SHANK2: variants seen among roughly 807,000 people sequenced by gnomAD.
SHANK2 encodes the protein SH3 and multiple ankyrin repeat domains 2, also known as SH3 and multiple ankyrin repeat domains protein 2.
In SHANK2, 43 loss-of-function variants were observed where a neutral mutation model predicts 133.7. The ratio of observed to expected loss-of-function variants is 0.32; its 90% CI spans 0.25 to 0.41. The LOEUF is 0.41. SHANK2 is among the 10% of genes least tolerant of loss of function. The pLI, the probability that SHANK2 is intolerant of heterozygous loss-of-function variation, is 1.00. For synonymous variants in SHANK2, 1,017 were observed against 952.8 expected, an observed-to-expected ratio of 1.07 and a Z score of -1.24; for missense variants, 1,994 against 2,235.8, an observed-to-expected ratio of 0.89 and a Z score of 2.18.
rs200702145 is a variant in SHANK2 at position 71,148,084 on chromosome 11, GT to G, written c.-12-747del. On this transcript the variant is annotated intron_variant, in intron 2 of 25. Transcript: ENST00000601538. ...TGGCCACCTTAGACCAAGGCTTCTT[GT>G]TTTTTTTTTTTTTTTTGAGATGGAG... 9.1e-3 allele frequency among the ~76,000 whole-genome samples: 1,284 copies of G among 140,334 alleles called. 11 individuals carry two copies. Among genetic ancestry groups the G allele is most frequent in the East Asian group, 0.053 (246 of 4,622 alleles). The allele number at this position is 140,334 out of a possible 152,430, so 92.1% of individuals were successfully genotyped here. A position where few individuals can be genotyped will look rare whatever the true frequency, so the allele number is the denominator to read the frequency against.
intron 11 of SHANK2, among the ~76,000 whole-genome samples, chr11:70,827,905 G>C (rs1395755175): frequency 1.3e-5 from 2 of 152,174 alleles, no homozygotes; most frequent in African/African-American, 4.8e-5. Context: ...GCATGCCTCG[G>C]TGAGGGCCTC....
intron 14 of SHANK2, among the ~76,000 whole-genome samples, chr11:70,729,900 T>TAA (rs549153711): frequency 0.019 from 2,074 of 108,338 alleles, 23 homozygotes; most frequent in Non-Finnish European, 0.032. Context: ...AAAGTGTTAC[T>TAA]AAAAAAAAAA....
chr11:70,778,039 T>C (rs183491501), intron 14 of SHANK2, among the ~76,000 whole-genome samples: 8 of 152,322 alleles, frequency 5.3e-5, no homozygotes, highest in Non-Finnish European at 8.8e-5. Context: ...GCTTTCCAGT[T>C]TGAATTCATT....
intron 17 of SHANK2, among the ~76,000 whole-genome samples, chr11:70,635,797 G>T (rs368879090): frequency 4.0e-5 from 6 of 151,642 alleles, no homozygotes; most frequent in African/African-American, 1.4e-4. Flanking sequence ...AGCAAATGGC[G>T]GCTGTGATCT....
chr11:70,558,512 C>T (rs1331546519), intron 17 of SHANK2, among the ~76,000 whole-genome samples: 1 of 152,262 alleles, frequency 6.6e-6, no homozygotes, highest in Non-Finnish European at 1.5e-5. Flanking sequence ...TCTGCCAGCT[C>T]TCACTTGGAT....
At chr11:70,731,740 C>CAG (rs1565276331) in intron 14 of SHANK2, among the ~76,000 whole-genome samples, 1 of 152,198 alleles carries the variant, frequency 6.6e-6, no homozygotes, top group East Asian at 1.9e-4. Context: ...TGTCTGGACA[C>CAG]CTGTTTTTAA....
chr11:70,813,528 C>T (rs1948320877), intron 12 of SHANK2, among the ~76,000 whole-genome samples: 1 of 151,992 alleles, frequency 6.6e-6, no homozygotes, highest in Non-Finnish European at 1.5e-5. Flanking sequence ...TTTCAAGAGG[C>T]ACAATCACCC....
chr11:70,698,679 G>A lies in SHANK2; in HGVS notation c.1853+9C>T, dbSNP rs184324152. On this transcript the variant is annotated intron_variant, in intron 15 of 25. Coordinates refer to ENST00000601538, the MANE Select transcript of SHANK2 (RefSeq NM_012309.5). ...AGAGGGTCCTGGAAGAGAAAGCAGC[G>A]CGTCTTACCTGGAAGTGTCGAAGCT... is the stretch of plus-strand genomic sequence containing the variant. 3.4e-4 allele frequency: 242 copies of A among 718,610 alleles called. 2 individuals carry two copies. In the East Asian group the frequency reaches 5.6e-3, roughly 16 times the overall value. 44.5% of individuals were successfully genotyped at this position (718,610 alleles called of 1,614,324 possible). A position where few individuals can be genotyped will look rare whatever the true frequency, so the allele number is the denominator to read the frequency against.
chr11:70,743,516 T>C (rs1373805328), intron 14 of SHANK2, among the ~76,000 whole-genome samples: 2 of 152,244 alleles, frequency 1.3e-5, no homozygotes, highest in African/African-American at 4.8e-5. Flanking sequence ...AGAGGATTTT[T>C]GTTACAGCAG....
At chr11:70,674,490 G>T (rs1944872548) in intron 15 of SHANK2, among the ~76,000 whole-genome samples, 1 of 152,088 alleles carries the variant, frequency 6.6e-6, no homozygotes, top group Admixed American at 6.6e-5. Context: ...CTGTAATTAT[G>T]GGAGCCCGCC....
At chr11:70,549,744 C>G (rs936835269) in intron 17 of SHANK2, among the ~76,000 whole-genome samples, 2 of 152,226 alleles carry the variant, frequency 1.3e-5, no homozygotes, top group Non-Finnish European at 2.9e-5. Context: ...ATTCATGCCT[C>G]TTGGAGGTGA....
At position 70,501,911 on chromosome 11, in the gene SHANK2, G is replaced by A. The variant is rs1555158615; in HGVS notation, c.2287+12C>T. The stretch of plus-strand genomic sequence containing the variant: ...GGGGGAGCTGCTTTGGGGACCCAGT[G>A]GGGCTGCTTACCTTTATCCACTAGT... On this transcript the variant is annotated intron_variant, in intron 20 of 25. Transcript: ENST00000601538. The A allele has an allele frequency of 6.4e-7, 1 of 1,560,000 alleles. No individual in the cohort carries two copies. The highest frequency in any genetic ancestry group is 8.7e-7 in the Non-Finnish European group (1 of 1,151,210).
At position 70,635,989 on chromosome 11, in the gene SHANK2, G is replaced by C. The variant is rs1431515914; in HGVS notation, c.2061+23839C>G. 1.6e-4 allele frequency among the ~76,000 whole-genome samples: 25 copies of C among 152,350 alleles called. No individual in the cohort carries two copies. In the East Asian group the frequency reaches 4.3e-3, roughly 26 times the overall value. On this transcript the variant is annotated intron_variant, in intron 17 of 25. Coordinates refer to ENST00000601538, the MANE Select transcript of SHANK2 (RefSeq NM_012309.5). ...CCTCCCGAATGTTCCAGAATACGCA[G>C]AGTCTTTCCCTGGTCCAGGTGGGGC...
intron 3 of SHANK2, among the ~76,000 whole-genome samples, chr11:71,145,699 C>T (rs1228577659): frequency 1.3e-5 from 2 of 152,192 alleles, no homozygotes; most frequent in African/African-American, 2.4e-5. Context: ...TGGATGGGCA[C>T]CAAGTGAGGC....
At chr11:70,568,222 G>A (rs769499377) in intron 17 of SHANK2, among the ~76,000 whole-genome samples, 24 of 152,352 alleles carry the variant, frequency 1.6e-4, no homozygotes, top group Admixed American at 1.2e-3. Context: ...TTAAGCTGAG[G>A]AGGCTGGAGC....
At chr11:70,638,022 A>G (rs473697) in intron 17 of SHANK2, among the ~76,000 whole-genome samples, 95,278 of 152,118 alleles carry the variant, frequency 0.63, 30,258 homozygotes, top group Middle Eastern at 0.71. Flanking sequence ...ATGTCTGCTC[A>G]CCAACCAGCA....
chr11:71,241,136 G>C (rs1954883981), intron 1 of SHANK2, among the ~76,000 whole-genome samples: 1 of 152,214 alleles, frequency 6.6e-6, no homozygotes, highest in South Asian at 2.1e-4. Context: ...CCCCGGGCTA[G>C]GCAACTTCTC....
chr11:70,821,988 A>C (rs1461623430), intron 11 of SHANK2, among the ~76,000 whole-genome samples: 2 of 152,174 alleles, frequency 1.3e-5, no homozygotes, highest in Non-Finnish European at 2.9e-5. Flanking sequence ...AGCCCCTGGG[A>C]GCTTTGAGGG....
intron 17 of SHANK2, among the ~76,000 whole-genome samples, chr11:70,524,428 C>T (rs1214269488): frequency 1.3e-5 from 2 of 152,224 alleles, no homozygotes; most frequent in Non-Finnish European, 2.9e-5. Context: ...GCTATCTTTA[C>T]CGGAGCAAAT....
Sources: allele counts gnomAD v4.1 joint callset (sites outside exome capture counted in the v4.1 genomes callset), GRCh38; gene constraint gnomAD v4.1.1; transcripts MANE v1.5; gene names NCBI Gene and HGNC (gene_info 2026-07-23, HGNC 2026-07-21).